Variants in PACRG observed in about 807,000 individuals in gnomAD.
PACRG encodes parkin coregulated gene protein.
Under a neutral mutation model 29.7 loss-of-function variants are expected in PACRG, and 29 were observed. The ratio of observed to expected loss-of-function variants is 0.98; its 90% CI spans 0.73 to 1.33. The LOEUF is 1.33. Among genes scored for constraint, PACRG ranks in the 40% most tolerant of loss-of-function variants. The pLI, the probability that PACRG is intolerant of heterozygous loss-of-function variation, is 0.00. For missense variants in PACRG, 279 were observed against 316.2 expected (o/e 0.88, Z 0.89); for synonymous variants, 116 against 118.7 (o/e 0.98, Z 0.15).
chr6:163,139,853 C>T (rs1038143359), intron 4 of PACRG, among the ~76,000 whole-genome samples: 2 of 152,240 alleles, frequency 1.3e-5, no homozygotes, highest in Admixed American at 1.3e-4. Context: ...ACTTTCTAGT[C>T]TAACTAGATG....
intron 4 of PACRG, among the ~76,000 whole-genome samples, chr6:163,193,087 C>A (rs1780289688): frequency 6.6e-6 from 1 of 152,032 alleles, no homozygotes; most frequent in South Asian, 2.1e-4. Flanking sequence ...ACATTTGAAG[C>A]CTATAATTCA....
intron 2 of PACRG, among the ~76,000 whole-genome samples, chr6:162,925,615 A>C (rs1352657182): frequency 6.6e-6 from 1 of 152,210 alleles, no homozygotes; most frequent in Non-Finnish European, 1.5e-5. Flanking sequence ...ACATCCTTTC[A>C]TGTTAAAAAC....
chr6:162,828,501 C>T (rs1330520270), intron 2 of PACRG, among the ~76,000 whole-genome samples: 1 of 152,186 alleles, frequency 6.6e-6, no homozygotes, highest in Non-Finnish European at 1.5e-5. Context: ...TCTGGAAATA[C>T]AGCAGTGAAT....
chr6:163,155,541 T>A (rs1273602616), intron 4 of PACRG, among the ~76,000 whole-genome samples: 2 of 152,244 alleles, frequency 1.3e-5, no homozygotes, highest in Non-Finnish European at 2.9e-5. Flanking sequence ...AACAAACTAC[T>A]GACCTTTTTG....
Position 163,197,419 on chromosome 6 carries a change from A to ATTTTC in PACRG, c.613+108026_613+108030dup, listed in dbSNP as rs1193351283. On this transcript the variant is annotated intron_variant, in intron 4 of 4. Coordinates refer to ENST00000366888, the MANE Select transcript of PACRG (RefSeq NM_001080379.2). ...TACTGTCCTTATGAAACTGGTGGCT[A>ATTTTC]TTTTCTTTTCTTTTCTTTTTTTTTT... Among the ~76,000 whole-genome samples the ATTTTC allele has an allele frequency of 1.6e-3, 181 of 111,924 alleles. 1 individual carries two copies. Among genetic ancestry groups the ATTTTC allele is most frequent in the African/African-American group, 5.6e-3 (170 of 30,270 alleles). The allele number at this position is 111,924 out of a possible 152,430, so 73.4% of individuals were successfully genotyped here.
chr6:163,178,689 T>C lies in PACRG; in HGVS notation c.613+89281T>C, dbSNP rs550312114. On this transcript the variant is annotated intron_variant, in intron 4 of 4. Transcript: ENST00000366888. The stretch of plus-strand genomic sequence containing the variant: ...CCAAACTTAATCTTTACATTAATGC[T>C]ACAACATTAATGAAACTGCTAGGAG... Among the ~76,000 whole-genome samples, 387 of 152,274 alleles carry C rather than the reference T, an allele frequency of 2.5e-3. 4 individuals are homozygous for C. The highest frequency in any genetic ancestry group is 4.7e-3 in the Non-Finnish European group (319 of 68,032).
intron 1 of PACRG, among the ~76,000 whole-genome samples, chr6:162,772,796 C>G (rs1057448902): frequency 6.6e-6 from 1 of 151,922 alleles, no homozygotes; most frequent in African/African-American, 2.4e-5. Context: ...AAAGAGGTGG[C>G]AGGAATAGAG....
intron 4 of PACRG, among the ~76,000 whole-genome samples, chr6:163,144,233 CAAA>C (rs754157729): frequency 2.0e-5 from 2 of 101,968 alleles, no homozygotes; most frequent in Non-Finnish European, 1.9e-5. Flanking sequence ...CGTCTCAAAA[CAAA>C]AAAAAAAAAA....
chr6:163,058,918 CA>C (rs1460627852), intron 2 of PACRG, among the ~76,000 whole-genome samples: 67 of 149,232 alleles, frequency 4.5e-4, no homozygotes, highest in African/African-American at 1.5e-3. Context: ...AACAAACAAA[CA>C]AAAAACAAAA....
chr6:162,835,050 ATGCTCATTTGG>A (rs1305449765), intron 2 of PACRG, among the ~76,000 whole-genome samples: 1 of 152,054 alleles, frequency 6.6e-6, no homozygotes, highest in Non-Finnish European at 1.5e-5. Flanking sequence ...ACTTAACTCA[ATGCTCATTTGG>A]TTACTCTTTT....
chr6:163,209,140 G>A (rs1415239045), intron 4 of PACRG, among the ~76,000 whole-genome samples: 1 of 152,196 alleles, frequency 6.6e-6, no homozygotes, highest in Non-Finnish European at 1.5e-5. Flanking sequence ...GAAGTTGAGT[G>A]CATTTAGTAA....
intron 1 of PACRG, among the ~76,000 whole-genome samples, chr6:162,737,821 T>C (rs1022858578): frequency 6.6e-6 from 1 of 152,168 alleles, no homozygotes; most frequent in East Asian, 1.9e-4. Context: ...TCTTCACTTA[T>C]AGTAATATAA....
At chr6:163,243,934 A>G (rs562878255) in intron 4 of PACRG, among the ~76,000 whole-genome samples, 2 of 152,340 alleles carry the variant, frequency 1.3e-5, no homozygotes, top group African/African-American at 2.4e-5. Context: ...CAAAAACGAA[A>G]TGTAGTCAAA....
chr6:162,912,162 G>C (rs1796345090), intron 2 of PACRG, among the ~76,000 whole-genome samples: 1 of 152,176 alleles, frequency 6.6e-6, no homozygotes, highest in South Asian at 2.1e-4. Flanking sequence ...TATTTTGTCT[G>C]TTGCTAATGC....
intron 2 of PACRG, among the ~76,000 whole-genome samples, chr6:162,986,508 A>G (rs1307205786): frequency 1.3e-5 from 2 of 152,174 alleles, no homozygotes; most frequent in African/African-American, 2.4e-5. Context: ...GGCAAGCCAC[A>G]TGTAGAAAAA....
At chr6:162,839,627 G>A (rs1373229292) in intron 2 of PACRG, among the ~76,000 whole-genome samples, 1 of 151,692 alleles carries the variant, frequency 6.6e-6, no homozygotes, top group South Asian at 2.1e-4. Flanking sequence ...TTTGTCTTTT[G>A]TTGCCATTGC....
intron 2 of PACRG, among the ~76,000 whole-genome samples, chr6:162,946,843 A>G (rs1467951977): frequency 6.6e-6 from 1 of 152,194 alleles, no homozygotes; most frequent in African/African-American, 2.4e-5. Flanking sequence ...AATAAACATG[A>G]TACATCAAAT....
At chr6:163,073,624 C>T (rs575489432) in intron 3 of PACRG, among the ~76,000 whole-genome samples, 313 of 152,252 alleles carry the variant, frequency 2.1e-3, no homozygotes, top group Non-Finnish European at 3.7e-3. Context: ...GCAAAGGAAA[C>T]AATCAACAAA....
chr6:162,914,611 A>T (rs1410014874), intron 2 of PACRG, among the ~76,000 whole-genome samples: 2 of 150,578 alleles, frequency 1.3e-5, no homozygotes, highest in Non-Finnish European at 3.0e-5. Context: ...AAAAAAAAAA[A>T]AACCTGCTGG....
Sources: allele counts gnomAD v4.1 joint callset (sites outside exome capture counted in the v4.1 genomes callset), GRCh38; gene constraint gnomAD v4.1.1; transcripts MANE v1.5; gene names NCBI Gene and HGNC (gene_info 2026-07-23, HGNC 2026-07-21).